The following EPHA5 variants were observed in gnomAD, a reference collection of about 807,000 sequenced individuals.
EPHA5 encodes EPH receptor A5.
In EPHA5, 60 loss-of-function variants were observed where a neutral mutation model predicts 105.0. The observed-to-expected ratio is 0.57, with a 90% CI of 0.46 to 0.71. The LOEUF (loss-of-function observed/expected upper bound fraction) is 0.71, where lower values mean the gene tolerates loss of function less well. Ranked by LOEUF, EPHA5 falls within the 30% of genes least tolerant of loss-of-function variation. The pLI is 0.00. For synonymous variants in EPHA5, 513 were observed against 449.1 expected (o/e 1.14, Z -1.80); for missense variants, 1,218 against 1,274.7 (o/e 0.96, Z 0.68).
At chr4:65,608,748 C>T (rs905166532) in intron 2 of EPHA5, among the ~76,000 whole-genome samples, 1 of 152,066 alleles carries the variant, frequency 6.6e-6, no homozygotes, top group Non-Finnish European at 1.5e-5. Context: ...GCAATGCATG[C>T]ATGACATAAT....
chr4:65,450,015 C>T (rs1726924023), intron 5 of EPHA5, among the ~76,000 whole-genome samples: 2 of 152,058 alleles, frequency 1.3e-5, no homozygotes, highest in Non-Finnish European at 2.9e-5. Flanking sequence ...GTTATGTCAA[C>T]TCTAACAAAT....
chr4:65,518,688 G>A (rs1232564716), intron 3 of EPHA5, among the ~76,000 whole-genome samples: 1 of 151,998 alleles, frequency 6.6e-6, no homozygotes, highest in Non-Finnish European at 1.5e-5. Flanking sequence ...AAATAGGTAA[G>A]TTGGCAAAGC....
At chr4:65,386,587 C>A (rs891445762) in intron 8 of EPHA5, among the ~76,000 whole-genome samples, 2 of 151,900 alleles carry the variant, frequency 1.3e-5, no homozygotes, top group African/African-American at 2.4e-5. Flanking sequence ...GTTATACACA[C>A]ACAGAGAGAG....
At chr4:65,375,690 T>G (rs1265812428) in intron 8 of EPHA5, among the ~76,000 whole-genome samples, 1 of 151,898 alleles carries the variant, frequency 6.6e-6, no homozygotes, top group Non-Finnish European at 1.5e-5. Context: ...GCTTCAGAGA[T>G]AATTTATCTA....
chr4:65,321,473 A>G lies in EPHA5; in HGVS notation c.*2641T>C, dbSNP rs779107943. The stretch of plus-strand genomic sequence containing the variant: ...ACAATAGGAAACAAATATTTTAGGA[A>G]GGCATTCTTTCCTCTTTTTTAGGGA... On this transcript the variant is annotated 3_prime_UTR_variant, in exon 17 of 17. Transcript: ENST00000613740. 4.0e-4 allele frequency: 92 copies of G among 229,786 alleles called. No homozygotes were observed. The highest frequency in any genetic ancestry group is 6.4e-4 in the Non-Finnish European group (74 of 115,778). The allele number at this position is 229,786 out of a possible 1,614,324, so 14.2% of individuals were successfully genotyped here.
intron 1 of EPHA5, among the ~76,000 whole-genome samples, chr4:65,650,559 C>A (rs372097435): frequency 1.2e-3 from 146 of 116,964 alleles, no homozygotes; most frequent in East Asian, 1.7e-3. Context: ...GACTCAGTCT[C>A]AAAAAAAAAA....
At chr4:65,650,391 CAAAA>C (rs11345574) in intron 1 of EPHA5, among the ~76,000 whole-genome samples, 208 of 136,904 alleles carry the variant, frequency 1.5e-3, no homozygotes, top group East Asian at 7.5e-3. Flanking sequence ...ACTAAACATA[CAAAA>C]AAAAAAAAAA....
At chr4:65,359,087 TACTA>T (rs1352320249) in intron 11 of EPHA5, among the ~76,000 whole-genome samples, 2 of 151,640 alleles carry the variant, frequency 1.3e-5, no homozygotes, top group South Asian at 2.1e-4. Context: ...CAGTTTCATT[TACTA>T]ACTGTCAATC....
intron 2 of EPHA5, among the ~76,000 whole-genome samples, chr4:65,616,426 C>T (rs1163675286): frequency 8.4e-6 from 1 of 119,346 alleles, no homozygotes; most frequent in Non-Finnish European, 1.8e-5. Context: ...AGACTTAATG[C>T]ATACACACAC....
chr4:65,370,696 G>A (rs547014466), intron 8 of EPHA5, among the ~76,000 whole-genome samples: 199 of 152,160 alleles, frequency 1.3e-3, no homozygotes, highest in African/African-American at 4.5e-3. Context: ...AAATGACTTG[G>A]AAATACCTTG....
intron 3 of EPHA5, among the ~76,000 whole-genome samples, chr4:65,533,718 T>C (rs1736035658): frequency 6.6e-6 from 1 of 152,042 alleles, no homozygotes. Context: ...GCGGATCACC[T>C]GAGGTCAGGA....
At chr4:65,652,825 A>C (rs926709480) in intron 1 of EPHA5, among the ~76,000 whole-genome samples, 4 of 152,204 alleles carry the variant, frequency 2.6e-5, no homozygotes, top group Admixed American at 2.6e-4. Context: ...TTTCTAATCA[A>C]ATTTTCAAAA....
intron 8 of EPHA5, among the ~76,000 whole-genome samples, chr4:65,369,452 T>C (rs1348725844): frequency 6.6e-6 from 1 of 152,090 alleles, no homozygotes; most frequent in Non-Finnish European, 1.5e-5. Flanking sequence ...TGATAAAATA[T>C]TTTCATTACA....
chr4:65,404,791 A>C (rs1001487975), intron 7 of EPHA5, among the ~76,000 whole-genome samples: 1 of 152,020 alleles, frequency 6.6e-6, no homozygotes, highest in African/African-American at 2.4e-5. Context: ...TTAAAATGGA[A>C]CTCCTTTATT....
chr4:65,592,607 G>A (rs1207491459), intron 3 of EPHA5, among the ~76,000 whole-genome samples: 2 of 152,146 alleles, frequency 1.3e-5, no homozygotes, highest in Non-Finnish European at 2.9e-5. Flanking sequence ...ATGGGAAGAA[G>A]AAAGCACAAC....
At chr4:65,505,499 A>G (rs547298633) in intron 3 of EPHA5, among the ~76,000 whole-genome samples, 18 of 152,202 alleles carry the variant, frequency 1.2e-4, no homozygotes, top group Middle Eastern at 3.4e-3. Flanking sequence ...ATTAAATTAA[A>G]TGACTTTTAA....
chr4:65,647,596 G>A (rs966883586), intron 1 of EPHA5, among the ~76,000 whole-genome samples: 17 of 151,932 alleles, frequency 1.1e-4, no homozygotes, highest in Non-Finnish European at 2.1e-4. Context: ...ACCCACTAAT[G>A]AATATAATTA....
At chr4:65,415,921 A>T (rs1234912141) in intron 6 of EPHA5, among the ~76,000 whole-genome samples, 1 of 152,062 alleles carries the variant, frequency 6.6e-6, no homozygotes, top group Non-Finnish European at 1.5e-5. Flanking sequence ...GACAGTTACT[A>T]ATTTTTCTGA....
chr4:65,669,455 C>T (rs908989257), intron 1 of EPHA5, 107 bp downstream of exon 1: 27 of 1,253,342 alleles, frequency 2.2e-5, no homozygotes, highest in South Asian at 3.4e-5. Context: ...GATGAGACTG[C>T]GATTTAGTCT....
Sources: allele counts gnomAD v4.1 joint callset (sites outside exome capture counted in the v4.1 genomes callset), GRCh38; gene constraint gnomAD v4.1.1; transcripts MANE v1.5; gene names NCBI Gene and HGNC (gene_info 2026-07-23, HGNC 2026-07-21).